The following BSN variants were observed in gnomAD, a reference collection of about 807,000 sequenced individuals.
The protein encoded by BSN is protein bassoon.
Under a neutral mutation model 264.8 loss-of-function variants are expected in BSN, and 57 were observed. That is an observed-to-expected ratio of 0.22 (90% CI 0.17 to 0.27). The LOEUF is 0.27. Among genes scored for constraint, BSN ranks in the 10% least tolerant of loss-of-function variants. The probability of loss-of-function intolerance (pLI) is 1.00; values close to 1 mark genes in which losing one functional copy is unlikely to be tolerated. For synonymous variants in BSN, 2,059 were observed against 2,137.3 expected, an observed-to-expected ratio of 0.96 and a Z score of 1.01; for missense variants, 4,615 against 5,232.5, an observed-to-expected ratio of 0.88 and a Z score of 3.64.
At chr3:49,593,739 G>T (rs1391910239) in intron 1 of BSN, among the ~76,000 whole-genome samples, 1 of 142,266 alleles carries the variant, frequency 7.0e-6, no homozygotes, top group Non-Finnish European at 1.5e-5. Flanking sequence ...TTTTTCTTCT[G>T]TTGAGTTTTG....
chr3:49,599,170 G>C lies in BSN; in HGVS notation c.225-25805G>C, dbSNP rs188979990. On this transcript the variant is annotated intron_variant, in intron 1 of 11. Transcript: ENST00000296452. The stretch of plus-strand genomic sequence containing the variant: ...GCCAGAGGTTGTGCTGAGGTCTTTC[G>C]TACTGGTGAGGCTTCCTCATTTTAT... 9.2e-5 allele frequency among the ~76,000 whole-genome samples: 14 copies of C among 152,254 alleles called. 1 individual carries two copies. In the South Asian group the frequency reaches 2.3e-3, roughly 25 times the overall value.
intron 1 of BSN, among the ~76,000 whole-genome samples, chr3:49,581,748 C>A (rs2051896602): frequency 6.6e-6 from 1 of 152,070 alleles, no homozygotes; most frequent in Admixed American, 6.5e-5. Flanking sequence ...TGCTTGAACC[C>A]AGGAGGCAGA....
chr3:49,605,325 ATT>A (rs1253444716), intron 1 of BSN, among the ~76,000 whole-genome samples: 2 of 94,144 alleles, frequency 2.1e-5, no homozygotes, highest in Admixed American at 1.9e-4. Flanking sequence ...ATATATATAT[ATT>A]TATAAATATA....
chr3:49,556,686 T>C (rs1200017444), intron 1 of BSN, among the ~76,000 whole-genome samples: 1 of 152,204 alleles, frequency 6.6e-6, no homozygotes, highest in Non-Finnish European at 1.5e-5. Flanking sequence ...GAGCAGCAGC[T>C]CCATGGCTTA....
chr3:49,656,375 T>C lies in BSN; in HGVS notation c.6819T>C (p.Val2273=). ...GTAGATTTCCCATTGCTTCCAGTGT[T>C]CCACCTGCAGAAGGGCCTGTCTATC... is the stretch of plus-strand genomic sequence containing the variant. ...APSRFPIASS[V]PPAEGPVYLG... is the part of the protein sequence containing the mutation. The change falls in exon 5 of 12, where the codon GTT becomes GTC. Residue 2273 remains valine, a synonymous_variant. Coordinates refer to ENST00000296452, the MANE Select transcript of BSN (RefSeq NM_003458.4). The C allele has an allele frequency of 6.3e-7, 1 of 1,599,186 alleles. No homozygotes were observed. Among genetic ancestry groups the C allele is most frequent in the South Asian group, 1.1e-5 (1 of 88,724 alleles).
intron 2 of BSN, among the ~76,000 whole-genome samples, chr3:49,633,270 C>T (rs2052395234): frequency 6.6e-6 from 1 of 150,862 alleles, no homozygotes; most frequent in Admixed American, 6.6e-5. Flanking sequence ...CCACTGCACT[C>T]CAGCCTGGAC....
rs1483377720 is a variant in BSN, at chr3:49,663,630, C to A, written c.11472C>A (p.Gly3824=). 1 of 1,608,310 alleles carries A rather than the reference C, an allele frequency of 6.2e-7. No homozygotes were observed. Among genetic ancestry groups the A allele is most frequent in the Non-Finnish European group, 8.5e-7 (1 of 1,177,042 alleles). The change falls in exon 7 of 12, where the codon GGC becomes GGA. Residue 3824 remains glycine, a synonymous_variant. Transcript: ENST00000296452. ...AGCCTGCAGGGAAGCCTCAGCCAGG[C>A]CCCAGCACAGCCACAGGTCCTCAAC... The part of the protein sequence containing the change: ...ASQPAGKPQP[G]PSTATGPQPA...
chr3:49,569,714 A>T (rs143029006), intron 1 of BSN, among the ~76,000 whole-genome samples: 103 of 152,312 alleles, frequency 6.8e-4, no homozygotes, highest in African/African-American at 2.1e-3. Flanking sequence ...GGCTCATTCT[A>T]TTGGCTCTAG....
chr3:49,620,935 A>T (rs1251927209), intron 1 of BSN, among the ~76,000 whole-genome samples: 2 of 151,854 alleles, frequency 1.3e-5, no homozygotes, highest in African/African-American at 2.4e-5. Flanking sequence ...AAGGAGACTC[A>T]CACACACACA....
intron 1 of BSN, among the ~76,000 whole-genome samples, chr3:49,613,303 C>CGAGCGAGAGAGAGAGAGAGAGAGA (rs1553662875): frequency 6.5e-4 from 31 of 47,344 alleles, no homozygotes; most frequent in African/African-American, 2.0e-3. Flanking sequence ...ACACACAGAG[C>CGAGCGAGAGAGAGAGAGAGAGAGA]GAGAGAGAGA....
At chr3:49,645,411 G>C (rs1167289513) in intron 3 of BSN, among the ~76,000 whole-genome samples, 1 of 152,074 alleles carries the variant, frequency 6.6e-6, no homozygotes, top group Admixed American at 6.5e-5. Context: ...CCAGCAGCCC[G>C]GGGTCATCCT....
intron 1 of BSN, among the ~76,000 whole-genome samples, chr3:49,606,945 ATC>A (rs1254484878): frequency 1.3e-5 from 2 of 152,004 alleles, no homozygotes; most frequent in African/African-American, 4.8e-5. Flanking sequence ...GTGAAACCCC[ATC>A]TCTACTAAAA....
At chr3:49,641,727 C>CT (rs1227322009) in intron 2 of BSN, 1 of 152,308 alleles carries the variant, frequency 6.6e-6, no homozygotes, top group Non-Finnish European at 1.5e-5. Context: ...ATCATGGTTT[C>CT]TTTTTATTCT....
At position 49,657,395 on chromosome 3, in the gene BSN, G is replaced by A; in HGVS notation, c.7839G>A (p.Gln2613=). ...RARRSADCSV[Q]TDDEDSAEWE... Reference sequence around the variant, plus strand: ...GGCGGAGTGCTGACTGCAGTGTGCAGACGGACGACGAAGACAGTGCTGAGT... The same window carrying A: ...GGCGGAGTGCTGACTGCAGTGTGCAAACGGACGACGAAGACAGTGCTGAGT... Residue 2613 remains glutamine (Q), a synonymous_variant, in exon 5 of 12, where the codon CAG becomes CAA. Transcript: ENST00000296452. 3.7e-6 allele frequency: 6 copies of A among 1,613,288 alleles called. No homozygotes were observed. Among genetic ancestry groups the A allele is most frequent in the Non-Finnish European group, 5.1e-6 (6 of 1,180,038 alleles).
chr3:49,632,561 T>C (rs1035850625), intron 2 of BSN, among the ~76,000 whole-genome samples: 1 of 152,142 alleles, frequency 6.6e-6, no homozygotes, highest in Non-Finnish European at 1.5e-5. Flanking sequence ...CCCAGGACTT[T>C]GGGAGGCTCA....
chr3:49,650,242 C>T (rs2052530041), intron 3 of BSN, among the ~76,000 whole-genome samples: 1 of 152,216 alleles, frequency 6.6e-6, no homozygotes, highest in Non-Finnish European at 1.5e-5. Context: ...GGACTCCATA[C>T]CAGCCCACTA....
chr3:49,618,022 C>CT (rs910053578), intron 1 of BSN, among the ~76,000 whole-genome samples: 3 of 152,138 alleles, frequency 2.0e-5, no homozygotes, highest in African/African-American at 7.2e-5. Flanking sequence ...GGGTCATTCT[C>CT]TTTTTTCTCC....
intron 1 of BSN, among the ~76,000 whole-genome samples, chr3:49,592,422 T>A (rs2051985367): frequency 6.7e-6 from 1 of 150,160 alleles, no homozygotes; most frequent in African/African-American, 2.4e-5. Context: ...TATTTCTCAA[T>A]TTTTTAAAAA....
chr3:49,642,130 C>A lies in BSN; in HGVS notation c.634-138C>A. Reference sequence around the variant, plus strand: ...GTCCTTCAGCCCTGCCACCTGGCAGCCCAGAAATGCCTGAGCAGGGCTTGG... The same window carrying A: ...GTCCTTCAGCCCTGCCACCTGGCAGACCAGAAATGCCTGAGCAGGGCTTGG... On this transcript the variant is annotated intron_variant, in intron 2 of 11. Transcript: ENST00000296452. This position sits in a 1 kb window ranked among gnomAD's most constrained non-coding sequence, Gnocchi z 7.0. 1 of 641,216 alleles carries A rather than the reference C, an allele frequency of 1.6e-6. No individual in the cohort carries two copies. The highest frequency in any genetic ancestry group is 2.4e-6 in the Non-Finnish European group (1 of 417,042). 39.7% of individuals were successfully genotyped at this position (641,216 alleles called of 1,614,324 possible).
Sources: gnomAD v4.1 joint callset for allele counts (sites outside exome capture counted in the v4.1 genomes callset) on GRCh38, gnomAD v4.1.1 for gene constraint, Gnocchi (gnomAD v3.1) non-coding constraint, MANE v1.5 for transcripts, NCBI Gene and HGNC (gene_info 2026-07-23, HGNC 2026-07-21) for gene names.